The following RAB38 variants were observed in gnomAD, a reference collection of about 807,000 sequenced individuals.
RAB38 encodes the protein RAB38, member RAS oncogene family, also known as ras-related protein Rab-38.
Under a neutral mutation model 18.4 loss-of-function variants are expected in RAB38, and 15 were observed. The ratio of observed to expected loss-of-function variants is 0.82; its 90% confidence interval spans 0.55 to 1.26. The LOEUF (loss-of-function observed/expected upper bound fraction) is 1.26. RAB38 is among the 50% of genes most tolerant of loss of function. The pLI is 0.00. For synonymous variants in RAB38, 101 were observed against 104.4 expected (o/e 0.97, Z 0.20); for missense variants, 294 against 267.4 (o/e 1.10, Z -0.69).
chr11:87,878,272 A>G, the RAB38 span, among the ~76,000 whole-genome samples: 7,413 of 113,728 alleles, frequency 0.065, 920 homozygotes, highest in African/African-American at 0.16. Context: ...CTATCTATCT[A>G]TCTATCTATC....
chr11:87,966,762 C>T, the RAB38 span, among the ~76,000 whole-genome samples: 1 of 152,168 alleles, frequency 6.6e-6, no homozygotes, highest in Non-Finnish European at 1.5e-5. Context: ...TTCTTGGCAA[C>T]ATTAAGTACA....
At chr11:88,029,754 G>A in the RAB38 span, among the ~76,000 whole-genome samples, 1 of 151,932 alleles carries the variant, frequency 6.6e-6, no homozygotes, top group African/African-American at 2.4e-5. Flanking sequence ...CCTACAAAGA[G>A]ACTTAGACTC....
chr11:88,061,790 C>T, the RAB38 span: 4 of 152,096 alleles, frequency 2.6e-5, no homozygotes, highest in Non-Finnish European at 5.9e-5. Context: ...CTCTGGGAGC[C>T]CATCTGTCAC....
At chr11:87,815,057 G>A in the RAB38 span, 4 of 152,170 alleles carry the variant, frequency 2.6e-5, no homozygotes, top group Non-Finnish European at 5.9e-5. Context: ...TTCAATTAGG[G>A]CAGTGAGTGG....
At chr11:87,842,377 G>C in the RAB38 span, among the ~76,000 whole-genome samples, 1 of 152,146 alleles carries the variant, frequency 6.6e-6, no homozygotes, top group Admixed American at 6.5e-5. Flanking sequence ...GGTTTCAGGA[G>C]ACAAGTTGAA....
At chr11:88,095,056 T>A in the RAB38 span, among the ~76,000 whole-genome samples, 1 of 151,796 alleles carries the variant, frequency 6.6e-6, no homozygotes, top group African/African-American at 2.4e-5. Context: ...AAGACATCAC[T>A]CCAATAATCA....
In RAB38 at chr11:88,147,570, T is replaced by TA. The variant is rs397938499; in HGVS notation, c.483+2104dup. 7.1e-3 allele frequency among the ~76,000 whole-genome samples: 915 copies of TA among 128,438 alleles called. 8 individuals are homozygous for TA. The highest frequency in any genetic ancestry group is 0.02 in the Admixed American group (258 of 12,768). 84.3% of individuals were successfully genotyped at this position (128,438 alleles called of 152,430 possible). On this transcript the variant is annotated intron_variant, in intron 2 of 2. Transcript: ENST00000243662. ...AGTGAATTTACCCACATTTTGGAAT[T>TA]AAAAAAAAAAAAAAAACAGCTAACA...
the RAB38 span, among the ~76,000 whole-genome samples, chr11:88,022,986 A>C: frequency 7.9e-5 from 12 of 152,242 alleles, no homozygotes; most frequent in Admixed American, 7.9e-4. Context: ...CACAACACAC[A>C]CTGGGCCTTT....
chr11:88,039,558 CTCCTT>C, the RAB38 span, among the ~76,000 whole-genome samples: 1 of 152,132 alleles, frequency 6.6e-6, no homozygotes, highest in African/African-American at 2.4e-5. Flanking sequence ...TAAGAGCTGT[CTCCTT>C]TCTTCTTGAG....
the RAB38 span, among the ~76,000 whole-genome samples, chr11:87,854,148 T>G: frequency 6.6e-6 from 1 of 152,192 alleles, no homozygotes; most frequent in African/African-American, 2.4e-5. Flanking sequence ...TTGTTTTGGT[T>G]TTTTTGCCAT....
chr11:88,099,104 T>C, the RAB38 span, among the ~76,000 whole-genome samples: 26 of 151,990 alleles, frequency 1.7e-4, no homozygotes, highest in Non-Finnish European at 3.1e-4. Context: ...CTTTAATCAT[T>C]TCTGTTTGTT....
chr11:88,084,652 T>A, the RAB38 span, among the ~76,000 whole-genome samples: 26 of 152,040 alleles, frequency 1.7e-4, no homozygotes, highest in African/African-American at 6.3e-4. Context: ...CTTCTCTGAC[T>A]CTTTTTCTTC....
chr11:87,825,219 T>C, the RAB38 span, among the ~76,000 whole-genome samples: 264 of 152,162 alleles, frequency 1.7e-3, 2 homozygotes, highest in African/African-American at 5.5e-3. Flanking sequence ...GCACCTGTTA[T>C]AAAACAATCA....
the RAB38 span, among the ~76,000 whole-genome samples, chr11:88,079,435 C>T: frequency 1.3e-3 from 201 of 151,686 alleles, 1 homozygote; most frequent in Admixed American, 2.0e-3. Flanking sequence ...AAAAATCTAC[C>T]CATAAGGAAC....
the RAB38 span, among the ~76,000 whole-genome samples, chr11:88,054,486 T>C: frequency 6.6e-6 from 1 of 152,234 alleles, no homozygotes; most frequent in Non-Finnish European, 1.5e-5. Flanking sequence ...AACCTGGGAA[T>C]GCGCCCAACA....
At chr11:87,823,673 T>C in the RAB38 span, among the ~76,000 whole-genome samples, 16 of 152,162 alleles carry the variant, frequency 1.1e-4, no homozygotes, top group Admixed American at 1.0e-3. Context: ...AAGTTTTTTT[T>C]CAACAAATGG....
At chr11:88,141,845 C>G (rs1431740935) in intron 2 of RAB38, among the ~76,000 whole-genome samples, 1 of 152,200 alleles carries the variant, frequency 6.6e-6, no homozygotes, top group East Asian at 1.9e-4. Flanking sequence ...GGAAATTCTA[C>G]AGATTTTACA....
At chr11:87,826,628 A>G in the RAB38 span, among the ~76,000 whole-genome samples, 4 of 152,214 alleles carry the variant, frequency 2.6e-5, no homozygotes, top group Non-Finnish European at 4.4e-5. Flanking sequence ...TAACTGCTTT[A>G]CATACATCAT....
intron 2 of RAB38, among the ~76,000 whole-genome samples, chr11:88,120,466 T>C (rs1459784023): frequency 6.6e-6 from 1 of 152,216 alleles, no homozygotes; most frequent in Admixed American, 6.5e-5. Flanking sequence ...ACATGGTGAA[T>C]GTGACGCAGA....
Sources: gnomAD v4.1 joint callset for allele counts (sites outside exome capture counted in the v4.1 genomes callset) on GRCh38, gnomAD v4.1.1 for gene constraint, MANE v1.5 for transcripts, NCBI Gene and HGNC (gene_info 2026-07-23, HGNC 2026-07-21) for gene names.